The following ZFAND4 variants were observed in gnomAD, a reference collection of about 807,000 sequenced individuals.
ZFAND4 encodes AN1-type zinc finger protein 4.
In ZFAND4, 43 loss-of-function variants were observed where a neutral mutation model predicts 64.4. The observed-to-expected ratio is 0.67, with a 90% CI of 0.52 to 0.86. ZFAND4 has a LOEUF of 0.86. Ranked by LOEUF, ZFAND4 falls within the 40% of genes least tolerant of loss-of-function variation. The pLI is 0.00. For synonymous variants in ZFAND4, 296 were observed against 305.7 expected (o/e 0.97, Z 0.33); for missense variants, 929 against 859.8 (o/e 1.08, Z -1.01).
chr10:45,624,771 G>A (rs867036393), intron 7 of ZFAND4, 134 bp from the exon 8 acceptor site: 2 of 732,482 alleles, frequency 2.7e-6, no homozygotes, highest in Middle Eastern at 3.4e-4. Flanking sequence ...TCCAATTTTT[G>A]TTTAATTAAA....
At chr10:45,619,493 G>A (rs1175447983) in intron 8 of ZFAND4, among the ~76,000 whole-genome samples, 1 of 152,100 alleles carries the variant, frequency 6.6e-6, no homozygotes, top group Non-Finnish European at 1.5e-5. Context: ...GTCACACAAA[G>A]GCTAAGAAGC....
intron 8 of ZFAND4, among the ~76,000 whole-genome samples, chr10:45,619,328 G>A (rs2045245651): frequency 1.3e-5 from 2 of 152,196 alleles, no homozygotes; most frequent in East Asian, 1.9e-4. Context: ...ACAGGTGTGA[G>A]CCACCACGCC....
chr10:45,643,044 C>T (rs1444174610), intron 5 of ZFAND4, among the ~76,000 whole-genome samples: 1 of 150,934 alleles, frequency 6.6e-6, no homozygotes, highest in Non-Finnish European at 1.5e-5. Flanking sequence ...CCTCAGCCTC[C>T]CTAGTAGCTG....
At chr10:45,627,516 G>A (rs571445214) in intron 6 of ZFAND4, among the ~76,000 whole-genome samples, 1 of 152,092 alleles carries the variant, frequency 6.6e-6, no homozygotes, top group East Asian at 1.9e-4. Context: ...AGTTAAAAGG[G>A]CTAAACTGCT....
chr10:45,651,217 G>A (rs1224588919), intron 4 of ZFAND4: 7 of 167,268 alleles, frequency 4.2e-5, no homozygotes, highest in Non-Finnish European at 7.9e-5. Flanking sequence ...ACCTGACTCA[G>A]GGACCAATGT....
chr10:45,662,023 A>G (rs1483745288), intron 2 of ZFAND4, among the ~76,000 whole-genome samples: 1 of 152,050 alleles, frequency 6.6e-6, no homozygotes, highest in Non-Finnish European at 1.5e-5. Flanking sequence ...AGCCCCCACC[A>G]GAACCTGCCC....
At chr10:45,623,789 T>C (rs929915912) in intron 8 of ZFAND4, among the ~76,000 whole-genome samples, 5 of 152,208 alleles carry the variant, frequency 3.3e-5, no homozygotes, top group Non-Finnish European at 5.9e-5. Context: ...ATGTTTATTT[T>C]ACCACAGTAC....
intron 2 of ZFAND4, 46 bp downstream of exon 2, chr10:45,663,496 G>C: frequency 6.9e-7 from 1 of 1,446,980 alleles, no homozygotes; most frequent in East Asian, 2.3e-5. Context: ...CATTATTGAT[G>C]AACAAATTTA....
intron 8 of ZFAND4, among the ~76,000 whole-genome samples, chr10:45,622,653 G>A (rs1282884122): frequency 6.6e-6 from 1 of 152,210 alleles, no homozygotes; most frequent in Non-Finnish European, 1.5e-5. Flanking sequence ...CTTCCTGAAA[G>A]TCAGGGTTGG....
intron 6 of ZFAND4, among the ~76,000 whole-genome samples, chr10:45,637,934 A>G (rs1481492370): frequency 1.3e-5 from 2 of 152,246 alleles, no homozygotes; most frequent in Non-Finnish European, 2.9e-5. Context: ...GAAATCAGTA[A>G]GCAAAAGGCA....
At chr10:45,635,195 C>CAAAAAAAAAAAAAAAAAAACAAAAAA (rs1173808756) in intron 6 of ZFAND4, among the ~76,000 whole-genome samples, 2 of 27,624 alleles carry the variant, frequency 7.2e-5, no homozygotes, top group Non-Finnish European at 1.2e-4. Flanking sequence ...GCCATCTAAG[C>CAAAAAAAAAAAAAAAAAAACAAAAAA]AAAAAAAAAA....
At chr10:45,636,107 ATTCT>A (rs2046577159) in intron 6 of ZFAND4, among the ~76,000 whole-genome samples, 2 of 152,210 alleles carry the variant, frequency 1.3e-5, no homozygotes, top group Admixed American at 1.3e-4. Context: ...AGAATGGTTC[ATTCT>A]AACAATGCAA....
chr10:45,618,926 T>C lies in ZFAND4; in HGVS notation c.1928-666A>G, dbSNP rs1477528532. Reference sequence around the variant, plus strand: ...TAGTAACTAACAGTACACAGCTCAATTTCACAGTACTACTAGTTTTCCAAA... The same window carrying C: ...TAGTAACTAACAGTACACAGCTCAACTTCACAGTACTACTAGTTTTCCAAA... On this transcript the variant is annotated intron_variant, in intron 8 of 9. Transcript: ENST00000344646. Among the ~76,000 whole-genome samples the C allele has an allele frequency of 2.0e-5, 3 of 152,226 alleles. No homozygotes were observed. In the East Asian group the frequency reaches 5.8e-4, roughly 29 times the overall value.
At chr10:45,648,171 A>G (rs2047517663) in intron 5 of ZFAND4, 123 bp downstream of exon 5, 1 of 991,456 alleles carries the variant, frequency 1.0e-6, no homozygotes, top group Non-Finnish European at 1.4e-6. Context: ...TATCATATCA[A>G]TTATACGAAG....
intron 4 of ZFAND4, 73 bp from the exon 5 acceptor site, chr10:45,648,607 T>C: frequency 6.8e-7 from 1 of 1,476,480 alleles, no homozygotes; most frequent in Non-Finnish European, 9.1e-7. Context: ...TGACAGGATA[T>C]AATATACTGA....
intron 8 of ZFAND4, among the ~76,000 whole-genome samples, chr10:45,619,622 T>C (rs1221482588): frequency 6.6e-6 from 1 of 152,178 alleles, no homozygotes; most frequent in East Asian, 1.9e-4. Context: ...AAGCTTGGTA[T>C]TTAGTTGGCA....
At chr10:45,631,187 G>A (rs941217547) in intron 6 of ZFAND4, among the ~76,000 whole-genome samples, 4 of 151,296 alleles carry the variant, frequency 2.6e-5, no homozygotes, top group African/African-American at 9.7e-5. Flanking sequence ...GTGTGGTGAC[G>A]GGCGCCTGTA....
rs983998093 is a variant in ZFAND4 at position 45,625,819 on chromosome 10, A to G, written c.1872+132T>C. ...TCAAGATTTTATACAAACTAAATAA[A>G]CATTTTCAGATAAATTTATGAAAAT... On this transcript the variant is annotated intron_variant, in intron 7 of 9. Transcript: ENST00000344646. 2.2e-5 allele frequency: 21 copies of G among 934,970 alleles called. No individual in the cohort carries two copies. In the African/African-American group the frequency reaches 2.5e-4, roughly 11 times the overall value. The allele number at this position is 934,970 out of a possible 1,614,324, so 57.9% of individuals were successfully genotyped here.
At position 45,663,548 on chromosome 10, in the gene ZFAND4, A is replaced by T; in HGVS notation, c.178T>A (p.Leu60Met). ...VISVKAKIRR[L>M]EGIPICRQHL... Reference sequence around the variant, plus strand: ...AACAAAGAAAGATGAGTACCTTCCAATCTTCGAATTTTTGCTTTCACAGAA... The same window carrying T: ...AACAAAGAAAGATGAGTACCTTCCATTCTTCGAATTTTTGCTTTCACAGAA... The change falls in exon 2 of 10, where the codon TTG becomes ATG. Residue 60 changes from leucine (L) to methionine (M), a missense_variant. Leu to Met is a conservative substitution (Grantham distance 15, BLOSUM62 2). Coordinates refer to ENST00000344646, the MANE Select transcript of ZFAND4 (RefSeq NM_174890.4). 6.3e-7 allele frequency: 1 copy of T among 1,591,236 alleles called. No homozygotes were observed. Among genetic ancestry groups the T allele is most frequent in the Non-Finnish European group, 8.5e-7 (1 of 1,173,560 alleles).
Sources: allele counts gnomAD v4.1 joint callset (sites outside exome capture counted in the v4.1 genomes callset), GRCh38; gene constraint gnomAD v4.1.1; transcripts MANE v1.5; gene names NCBI Gene and HGNC (gene_info 2026-07-23, HGNC 2026-07-21).